Variants in DAAM2 observed in about 807,000 individuals in gnomAD.
DAAM2 encodes disheveled-associated activator of morphogenesis 2.
DAAM2 carries 39 observed loss-of-function variants against 120.7 expected under a neutral mutation model. That is an observed-to-expected ratio of 0.32 (90% CI 0.25 to 0.42). The LOEUF (loss-of-function observed/expected upper bound fraction) is 0.42, where lower values mean the gene tolerates loss of function less well. DAAM2 is among the 10% of genes least tolerant of loss of function. The pLI is 1.00. For missense variants in DAAM2, 1,283 were observed against 1,401.7 expected, an observed-to-expected ratio of 0.92 and a Z score of 1.35; for synonymous variants, 488 against 524.9, an observed-to-expected ratio of 0.93 and a Z score of 0.96.
At chr6:39,856,092 T>C in intron 1 of DAAM2, 155 bp from the exon 2 acceptor site, 1 of 385,474 alleles carries the variant, frequency 2.6e-6, no homozygotes, top group South Asian at 1.1e-4. Flanking sequence ...AGGGATGCTG[T>C]GGGAGGAGGG....
chr6:39,842,274 A>C (rs1180312631), intron 1 of DAAM2, among the ~76,000 whole-genome samples: 17 of 152,104 alleles, frequency 1.1e-4, no homozygotes, highest in Non-Finnish European at 1.5e-5. Context: ...CACACATTCC[A>C]CTGCGCCAGG....
chr6:39,827,367 AAGG>A (rs1470233876), intron 1 of DAAM2, among the ~76,000 whole-genome samples: 3 of 152,160 alleles, frequency 2.0e-5, no homozygotes, highest in South Asian at 2.1e-4. Context: ...ATGTCGGAGA[AAGG>A]AGGAGTTGAG....
At chr6:39,840,895 A>G (rs1205444573) in intron 1 of DAAM2, among the ~76,000 whole-genome samples, 2 of 151,696 alleles carry the variant, frequency 1.3e-5, no homozygotes, top group African/African-American at 4.8e-5. Flanking sequence ...ACAGGATGCT[A>G]AGGAGGAGGA....
In DAAM2 at chr6:39,796,526, T is replaced by C. The variant is rs1410756757; in HGVS notation, c.-57+4061T>C. 4.6e-5 allele frequency among the ~76,000 whole-genome samples: 7 copies of C among 150,624 alleles called. 1 individual carries two copies. In the South Asian group the frequency reaches 8.4e-4, roughly 18 times the overall value. Reference sequence around the variant, plus strand: ...GGGGGAGGAAGTAAGTGCCTGTTCTTGGAACCTGTGCAGCGTTATGCTAGC... The same window carrying C: ...GGGGGAGGAAGTAAGTGCCTGTTCTCGGAACCTGTGCAGCGTTATGCTAGC... On this transcript the variant is annotated intron_variant, in intron 1 of 24. Coordinates refer to ENST00000274867, the MANE Select transcript of DAAM2 (RefSeq NM_001201427.2).
intron 1 of DAAM2, among the ~76,000 whole-genome samples, chr6:39,839,351 AG>A (rs1051900031): frequency 6.6e-6 from 1 of 152,222 alleles, no homozygotes; most frequent in African/African-American, 2.4e-5. Flanking sequence ...AGAAACTCTG[AG>A]GGCAGGGCCC....
chr6:39,871,638 C>G, intron 9 of DAAM2, 66 bp downstream of exon 9: 1 of 1,411,288 alleles, frequency 7.1e-7, no homozygotes, highest in Non-Finnish European at 9.7e-7. Flanking sequence ...CCCACAGCCA[C>G]TTTTCTAGAC....
rs1165814956 is a variant in DAAM2 at position 39,895,856 on chromosome 6, T to TTCCCCC, written c.2342-956_2342-955insTCCCCC. Among the ~76,000 whole-genome samples the TTCCCCC allele has an allele frequency of 2.2e-4, 34 of 152,340 alleles. No individual in the cohort carries two copies. In the East Asian group the frequency reaches 5.4e-3, roughly 24 times the overall value. ...TTGTATTTCTGGCAAAGATAACATTTAGAGCATTGGGGGAAAATGGTTAAG... is the reference window on the plus strand; with the variant it reads ...TTGTATTTCTGGCAAAGATAACATTTTCCCCCAGAGCATTGGGGGAAAATGGTTAAG... On this transcript the variant is annotated intron_variant, in intron 19 of 24. Transcript: ENST00000274867.
rs34141590 is a variant in DAAM2 at position 39,875,412 on chromosome 6, T to C, written c.1245T>C (p.Gly415=). The C allele has an allele frequency of 1.4e-3, 2,262 of 1,613,792 alleles. 28 individuals carry two copies. In the African/African-American group the frequency reaches 0.026, roughly 19 times the overall value. ...AGATTGTCCTCCAGGATGAGCGGGGTGTGGACCCTGACCTGGCTCCCTTGG... is the reference window on the plus strand; with the variant it reads ...AGATTGTCCTCCAGGATGAGCGGGGCGTGGACCCTGACCTGGCTCCCTTGG... ...LQQIVLQDER[G]VDPDLAPLEN... Residue 415 remains glycine (G), a synonymous_variant, in exon 11 of 25, where the codon GGT becomes GGC. Coordinates refer to ENST00000274867, the MANE Select transcript of DAAM2 (RefSeq NM_001201427.2).
chr6:39,858,285 T>C (rs1054797582), intron 2 of DAAM2, among the ~76,000 whole-genome samples: 1 of 152,206 alleles, frequency 6.6e-6, no homozygotes, highest in African/African-American at 2.4e-5. Flanking sequence ...CAAGGTGCTC[T>C]GCTAAAGAAG....
At chr6:39,869,543 C>A (rs1764567991) in intron 7 of DAAM2, among the ~76,000 whole-genome samples, 1 of 152,110 alleles carries the variant, frequency 6.6e-6, no homozygotes, top group Non-Finnish European at 1.5e-5. Context: ...GCCAAGATTG[C>A]ACCATCATTG....
intron 1 of DAAM2, among the ~76,000 whole-genome samples, chr6:39,837,682 A>AAAAAG (rs1763162276): frequency 1.3e-5 from 2 of 151,202 alleles, no homozygotes; most frequent in African/African-American, 4.9e-5. Flanking sequence ...AAAAAAAAAA[A>AAAAAG]AAAAGAAAAG....
chr6:39,794,965 G>T (rs1761657593), intron 1 of DAAM2, among the ~76,000 whole-genome samples: 1 of 152,194 alleles, frequency 6.6e-6, no homozygotes, highest in Admixed American at 6.5e-5. Flanking sequence ...GGACAGGTGA[G>T]GGGCAAGAAC....
At chr6:39,898,964 G>C in intron 22 of DAAM2, 27 bp downstream of exon 22, 1 of 1,587,318 alleles carries the variant, frequency 6.3e-7, no homozygotes, top group South Asian at 1.1e-5. Flanking sequence ...TGCCTACCTG[G>C]GTGAGGGCTG....
Position 39,832,129 on chromosome 6 carries a change from G to A in DAAM2, c.-56-24118G>A, listed in dbSNP as rs547102527. ...GGACAGGTACGCTAGGGAGGCAGGT[G>A]CACTGGTGCTCACTCCTCTGCAGCT... On this transcript the variant is annotated intron_variant, in intron 1 of 24. Coordinates refer to ENST00000274867, the MANE Select transcript of DAAM2 (RefSeq NM_001201427.2). 3.9e-5 allele frequency among the ~76,000 whole-genome samples: 6 copies of A among 152,022 alleles called. No individual in the cohort carries two copies. In the South Asian group the frequency reaches 1.0e-3, roughly 26 times the overall value.
Position 39,904,691 on chromosome 6 carries a change from T to TATCTA in DAAM2, c.*2655_*2659dup. The TATCTA allele has an allele frequency of 2.3e-6, 1 of 440,848 alleles. No homozygotes were observed. Among genetic ancestry groups the TATCTA allele is most frequent in the Admixed American group, 2.4e-5 (1 of 41,784 alleles). The allele number at this position is 440,848 out of a possible 1,614,324, so 27.3% of individuals were successfully genotyped here. A position where few individuals can be genotyped will look rare whatever the true frequency, so the allele number is the denominator to read the frequency against. ...TTTCCACCAACTGGGGAACTGTGAC[T>TATCTA]ATCTATCTCCCCCGACTTCTACCAG... On this transcript the variant is annotated 3_prime_UTR_variant, in exon 25 of 25. Coordinates refer to ENST00000274867, the MANE Select transcript of DAAM2 (RefSeq NM_001201427.2).
intron 5 of DAAM2, among the ~76,000 whole-genome samples, chr6:39,867,102 C>G (rs1276989888): frequency 6.6e-6 from 1 of 152,128 alleles, no homozygotes; most frequent in African/African-American, 2.4e-5. Flanking sequence ...ATGTAGCTTC[C>G]CTAGGCTTAA....
chr6:39,798,065 C>T (rs1005932825), intron 1 of DAAM2, among the ~76,000 whole-genome samples: 3 of 152,208 alleles, frequency 2.0e-5, no homozygotes, highest in African/African-American at 7.2e-5. Context: ...AAGCTGAAAA[C>T]ATTTACCATC....
intron 22 of DAAM2, 64 bp downstream of exon 22, chr6:39,899,001 C>G: frequency 7.3e-7 from 1 of 1,366,962 alleles, no homozygotes; most frequent in Non-Finnish European, 1.0e-6. Flanking sequence ...TTCGTCACTG[C>G]ACCCTAAGCT....
intron 2 of DAAM2, among the ~76,000 whole-genome samples, chr6:39,859,797 ATCTT>A (rs1340822909): frequency 2.0e-4 from 30 of 152,292 alleles, no homozygotes; most frequent in African/African-American, 6.3e-4. Flanking sequence ...CGCCCATGTT[ATCTT>A]TCTATTAGGC....
Sources: allele counts gnomAD v4.1 joint callset (sites outside exome capture counted in the v4.1 genomes callset), GRCh38; gene constraint gnomAD v4.1.1; transcripts MANE v1.5; gene names NCBI Gene and HGNC (gene_info 2026-07-23, HGNC 2026-07-21).